NUFIP2: variants seen among roughly 807,000 people sequenced by gnomAD.
NUFIP2 encodes the protein nuclear FMR1 interacting protein 2.
In NUFIP2, 6 loss-of-function variants were observed where a neutral mutation model predicts 56.9. The observed-to-expected ratio is 0.11, with a 90% CI of 0.06 to 0.21. The LOEUF (loss-of-function observed/expected upper bound fraction) is 0.21, where lower values mean the gene tolerates loss of function less well. NUFIP2 is among the 10% of genes least tolerant of loss of function. The pLI is 1.00. For missense variants in NUFIP2, 828 were observed against 826.8 expected, an observed-to-expected ratio of 1.00 and a Z score of -0.02; for synonymous variants, 321 against 298.2, an observed-to-expected ratio of 1.08 and a Z score of -0.79.
rs771758087 is a variant in NUFIP2, at chr17:29,287,698, C to T, written c.296G>A (p.Gly99Asp). Residue 99 changes from glycine to aspartate, a missense_variant, in exon 2 of 4, where the codon GGT becomes GAT. Coordinates refer to ENST00000225388, the MANE Select transcript of NUFIP2 (RefSeq NM_020772.3). Reference protein sequence around the residue: ...KKKTGYGELNGNAGEREISLK... With the variant: ...KKKTGYGELNDNAGEREISLK... The stretch of plus-strand genomic sequence containing the variant: ...AGATATTTCTCTTTCTCCAGCATTA[C>T]CGTTTAGTTCACCATAGCCTAGGGG... The T allele has an allele frequency of 1.2e-6, 2 of 1,607,060 alleles. No individual in the cohort carries two copies. The highest frequency in any genetic ancestry group is 4.5e-5 in the East Asian group (2 of 44,772).
Position 29,294,128 on chromosome 17 carries a change from C to G in NUFIP2, c.-69G>C, listed in dbSNP as rs1359613235. On this transcript the variant is annotated 5_prime_UTR_variant, in exon 1 of 4. Coordinates refer to ENST00000225388, the MANE Select transcript of NUFIP2 (RefSeq NM_020772.3). ...ACCGTCAGGATCTGAGACTGCTTCT[C>G]AGGGCTCACTCAGTATATCTGAGCG... The G allele has an allele frequency of 2.0e-6, 3 of 1,528,988 alleles. No individual in the cohort carries two copies. Among genetic ancestry groups the G allele is most frequent in the South Asian group, 2.5e-5 (2 of 80,034 alleles). 94.7% of individuals were successfully genotyped at this position (1,528,988 alleles called of 1,614,324 possible). A position where few individuals can be genotyped will look rare whatever the true frequency, so the allele number is the denominator to read the frequency against.
chr17:29,268,852 C>T (rs2069054926), intron 2 of NUFIP2, among the ~76,000 whole-genome samples: 1 of 152,142 alleles, frequency 6.6e-6, no homozygotes, highest in African/African-American at 2.4e-5. Flanking sequence ...TTATTTTATC[C>T]TTTAAGGTCA....
chr17:29,275,640 T>C (rs2069103163), intron 2 of NUFIP2, among the ~76,000 whole-genome samples: 1 of 152,200 alleles, frequency 6.6e-6, no homozygotes, highest in Non-Finnish European at 1.5e-5. Context: ...TTTCAACATT[T>C]ATGCAGTTGC....
chr17:29,287,785 T>C, intron 1 of NUFIP2, 69 bp from the exon 2 acceptor site: 10 of 1,365,604 alleles, frequency 7.3e-6, no homozygotes, highest in Non-Finnish European at 8.8e-6. Flanking sequence ...TACCTAACAT[T>C]TAAGAACTAT....
Position 29,285,843 on chromosome 17 carries a change from G to A in NUFIP2, c.2002+149C>T, listed in dbSNP as rs143979713. 397 of 604,806 alleles carry A rather than the reference G, an allele frequency of 6.6e-4. 2 individuals are homozygous for A. The East Asian group carries it at 0.011, about 16-fold the overall frequency. 37.5% of individuals were successfully genotyped at this position (604,806 alleles called of 1,614,324 possible). ...TAATCATACTAGTTCCAAGGACCCT[G>A]AATTAGTTTGACACCAGCTGCTTAT... is the stretch of plus-strand genomic sequence containing the variant. On this transcript the variant is annotated intron_variant, in intron 2 of 3. Transcript: ENST00000225388.
In NUFIP2 at chr17:29,262,306, A is replaced by G. The variant is rs891946258; in HGVS notation, c.*2233T>C. 6.6e-6 allele frequency: 1 copy of G among 152,630 alleles called. No homozygotes were observed. Among genetic ancestry groups the G allele is most frequent in the Non-Finnish European group, 1.5e-5 (1 of 68,020 alleles). 9.5% of individuals were successfully genotyped at this position (152,630 alleles called of 1,614,324 possible). Reference sequence around the variant, plus strand: ...GGTTACACAAGGCAATTGAACACACAGCAGAACTTTAAAACCTGTAAAACA... The same window carrying G: ...GGTTACACAAGGCAATTGAACACACGGCAGAACTTTAAAACCTGTAAAACA... On this transcript the variant is annotated 3_prime_UTR_variant, in exon 4 of 4. Coordinates refer to ENST00000225388, the MANE Select transcript of NUFIP2 (RefSeq NM_020772.3).
At position 29,285,977 on chromosome 17, in the gene NUFIP2, A is replaced by G. The variant is rs1371369669; in HGVS notation, c.2002+15T>C. 2 of 1,571,754 alleles carry G rather than the reference A, an allele frequency of 1.3e-6. No individual in the cohort carries two copies. Among genetic ancestry groups the G allele is most frequent in the Admixed American group, 3.9e-5 (2 of 51,480 alleles). ...TGGCCAATAAAAATCTTTGTATAGG[A>G]AACAAATGAGTTACCTTTAGTGTGA... On this transcript the variant is annotated intron_variant, in intron 2 of 3. Coordinates refer to ENST00000225388, the MANE Select transcript of NUFIP2 (RefSeq NM_020772.3).
In NUFIP2 at chr17:29,261,051, A is replaced by G. The variant is rs767670690; in HGVS notation, c.*3488T>C. ...CTTCAGTTCAGCAAAGTGGGGGTGA[A>G]TAAAGAGAAAGATAATACACCCTGT... On this transcript the variant is annotated 3_prime_UTR_variant, in exon 4 of 4. Coordinates refer to ENST00000225388, the MANE Select transcript of NUFIP2 (RefSeq NM_020772.3). The G allele has an allele frequency of 3.9e-5, 6 of 152,190 alleles. No homozygotes were observed. The highest frequency in any genetic ancestry group is 8.8e-5 in the Non-Finnish European group (6 of 68,024). 9.4% of individuals were successfully genotyped at this position (152,190 alleles called of 1,614,324 possible).
rs1458259082 is a variant in NUFIP2, at chr17:29,256,352, A to G, written c.*8187T>C. ...CAGATGCGGAAGAGGAACCATAGCC[A>G]TCTAAAATGATGCTTGCTACACTCC... On this transcript the variant is annotated 3_prime_UTR_variant, in exon 4 of 4. Transcript: ENST00000225388. The G allele has an allele frequency of 6.6e-6, 1 of 152,230 alleles. No homozygotes were observed. 9.4% of individuals were successfully genotyped at this position (152,230 alleles called of 1,614,324 possible). A position where few individuals can be genotyped will look rare whatever the true frequency, so the allele number is the denominator to read the frequency against.
At chr17:29,269,687 C>T (rs2069059905) in intron 2 of NUFIP2, among the ~76,000 whole-genome samples, 1 of 151,936 alleles carries the variant, frequency 6.6e-6, no homozygotes. Flanking sequence ...TGCTATGTTG[C>T]TCAGGCTGGT....
At position 29,258,169 on chromosome 17, in the gene NUFIP2, T is replaced by C. The variant is rs1043872976; in HGVS notation, c.*6370A>G. On this transcript the variant is annotated 3_prime_UTR_variant, in exon 4 of 4. Coordinates refer to ENST00000225388, the MANE Select transcript of NUFIP2 (RefSeq NM_020772.3). The stretch of plus-strand genomic sequence containing the variant: ...AAATTAAAATTTTGGCTTTGCGATA[T>C]TGGCAACATCAAAATATAACCAGAT... 7.2e-5 allele frequency: 11 copies of C among 152,314 alleles called. No homozygotes were observed. Among genetic ancestry groups the C allele is most frequent in the African/African-American group, 2.4e-4 (10 of 41,578 alleles). The allele number at this position is 152,314 out of a possible 1,614,324, so 9.4% of individuals were successfully genotyped here. A position where few individuals can be genotyped will look rare whatever the true frequency, so the allele number is the denominator to read the frequency against.
intron 2 of NUFIP2, among the ~76,000 whole-genome samples, chr17:29,279,633 G>A (rs1427425086): frequency 6.6e-6 from 1 of 152,072 alleles, no homozygotes; most frequent in African/African-American, 2.4e-5. Flanking sequence ...TCTTGGGCTT[G>A]GTGATATCCT....
intron 2 of NUFIP2, among the ~76,000 whole-genome samples, chr17:29,283,448 C>T (rs2069152381): frequency 6.6e-6 from 1 of 152,156 alleles, no homozygotes; most frequent in Admixed American, 6.5e-5. Context: ...AAGTGATCCT[C>T]CCTCCTAAGC....
intron 2 of NUFIP2, among the ~76,000 whole-genome samples, chr17:29,285,280 A>T (rs1445014864): frequency 6.7e-6 from 1 of 149,258 alleles, no homozygotes; most frequent in Non-Finnish European, 1.5e-5. Flanking sequence ...AGCCTGGGTG[A>T]GAGAGTGAGA....
At position 29,294,075 on chromosome 17, in the gene NUFIP2, C is replaced by G. The variant is rs555867308; in HGVS notation, c.-16G>C. The G allele has an allele frequency of 6.3e-7, 1 of 1,582,264 alleles. No individual in the cohort carries two copies. Among genetic ancestry groups the G allele is most frequent in the South Asian group, 1.2e-5 (1 of 86,276 alleles). On this transcript the variant is annotated 5_prime_UTR_variant, in exon 1 of 4. Transcript: ENST00000225388. Reference sequence around the variant, plus strand: ...TCTCCTCCATTGAAAGCGGCTGGGACTCCCTGGCTGAGGCTGCGGGCTGCT... The same window carrying G: ...TCTCCTCCATTGAAAGCGGCTGGGAGTCCCTGGCTGAGGCTGCGGGCTGCT...
chr17:29,272,040 T>C (rs2069076282), intron 2 of NUFIP2, among the ~76,000 whole-genome samples: 1 of 112,876 alleles, frequency 8.9e-6, no homozygotes, highest in Non-Finnish European at 1.7e-5. Flanking sequence ...GCCACTGCAC[T>C]CCAGCTTGGG....
intron 2 of NUFIP2, among the ~76,000 whole-genome samples, chr17:29,272,852 T>C (rs2069083822): frequency 2.0e-5 from 3 of 151,198 alleles, no homozygotes; most frequent in African/African-American, 7.3e-5. Context: ...TTTTTTTTTT[T>C]CTTTTCTTTT....
At chr17:29,279,548 T>G (rs1484947075) in intron 2 of NUFIP2, among the ~76,000 whole-genome samples, 1 of 152,186 alleles carries the variant, frequency 6.6e-6, no homozygotes. Flanking sequence ...TGTTGTATGT[T>G]TTTGAGACAG....
At chr17:29,277,447 T>C (rs1014368823) in intron 2 of NUFIP2, among the ~76,000 whole-genome samples, 1 of 152,216 alleles carries the variant, frequency 6.6e-6, no homozygotes, top group Non-Finnish European at 1.5e-5. Flanking sequence ...TTATCACTAA[T>C]CATGCCTTCC....
Sources: allele counts gnomAD v4.1 joint callset (sites outside exome capture counted in the v4.1 genomes callset), GRCh38; gene constraint gnomAD v4.1.1; transcripts MANE v1.5; gene names NCBI Gene and HGNC (gene_info 2026-07-23, HGNC 2026-07-21).